OR2V2: variants seen among roughly 807,000 people sequenced by gnomAD.
OR2V2 encodes olfactory receptor family 2 subfamily V member 2.
For missense variants in OR2V2, 392 were observed against 392.2 expected, an observed-to-expected ratio of 1.00 and a Z score of 0.00; for synonymous variants, 161 against 151.3, an observed-to-expected ratio of 1.06 and a Z score of -0.47.
chr5:181,155,155 C>T lies in OR2V2; in HGVS notation c.213C>T (p.Asp71=), dbSNP rs200632573. ...TCCTCAGCCAGCTCTCCCTCATGGA[C>T]CTCATGTTGGTCTGTACCAATGTGC... ...YFFLSQLSLM[D]LMLVCTNVPK... Residue 71 remains aspartate, a synonymous_variant, in exon 2 of 2, where the codon GAC becomes GAT. Transcript: ENST00000641492. 5 of 1,614,084 alleles carry T rather than the reference C, an allele frequency of 3.1e-6. No homozygotes were observed. In the South Asian group the frequency reaches 4.4e-5, roughly 14 times the overall value.
chr5:181,149,794 T>A (rs896525947), intron 1 of OR2V2, among the ~76,000 whole-genome samples: 3 of 151,942 alleles, frequency 2.0e-5, no homozygotes, highest in Non-Finnish European at 4.4e-5. Flanking sequence ...TGCAAAGAAA[T>A]AGAGAGAGTC....
At chr5:181,152,880 G>A (rs1170435360) in intron 1 of OR2V2, among the ~76,000 whole-genome samples, 1 of 152,232 alleles carries the variant, frequency 6.6e-6, no homozygotes, top group Non-Finnish European at 1.5e-5. Context: ...AGCTTCACTG[G>A]ATCCCTGGCC....
At position 181,155,228 on chromosome 5, in the gene OR2V2, G is replaced by A; in HGVS notation, c.286G>A (p.Val96Met). ...GTCTGGCAGGAAGTCCATCTCCTTT[G>A]TGGGCTGTGGCATACAAATTGGCCT... ...FLSGRKSISF[V>M]GCGIQIGLFV... is the part of the protein sequence containing the mutation. The change falls in exon 2 of 2, where the codon GTG becomes ATG. Residue 96 changes from valine (V) to methionine (M), a missense_variant. Transcript: ENST00000641492. 5 of 1,613,924 alleles carry A rather than the reference G, an allele frequency of 3.1e-6. No individual in the cohort carries two copies. The highest frequency in any genetic ancestry group is 4.2e-6 in the Non-Finnish European group (5 of 1,180,018).
intron 1 of OR2V2, among the ~76,000 whole-genome samples, chr5:181,151,478 T>C (rs1418026764): frequency 6.6e-6 from 1 of 152,152 alleles, no homozygotes; most frequent in Non-Finnish European, 1.5e-5. Context: ...AGCACATGCA[T>C]TGTGCCAAAG....
At chr5:181,153,098 T>C (rs1357761427) in intron 1 of OR2V2, among the ~76,000 whole-genome samples, 1 of 151,802 alleles carries the variant, frequency 6.6e-6, no homozygotes, top group Non-Finnish European at 1.5e-5. Context: ...AGGAGGCAAA[T>C]GAGAAATAGA....
rs549354735 is a variant in OR2V2 at position 181,149,232 on chromosome 5, C to T, written c.-25+1237C>T. Among the ~76,000 whole-genome samples the T allele has an allele frequency of 2.0e-5, 3 of 152,046 alleles. No individual in the cohort carries two copies. The South Asian group carries it at 6.3e-4, about 32-fold the overall frequency. Reference sequence around the variant, plus strand: ...GGGGCTGGCAGGGGTGAGTGAGGGTCAGGGGTGGATATGTGGGGTGGATAT... The same window carrying T: ...GGGGCTGGCAGGGGTGAGTGAGGGTTAGGGGTGGATATGTGGGGTGGATAT... On this transcript the variant is annotated intron_variant, in intron 1 of 1. Transcript: ENST00000641492.
chr5:181,155,357 C>T lies in OR2V2; in HGVS notation c.415C>T (p.Gln139Ter), dbSNP rs1763249022. Reference protein sequence around the residue: ...HPLHYPILMNQRVCLQITGSS... With the variant: ...HPLHYPILMN ...ACTTCACTATCCCATCCTCATGAAT[C>T]AGAGGGTCTGTCTCCAGATTACTGG... Residue 139 changes from glutamine (Q) to a stop codon, truncating the protein, a stop_gained, in exon 2 of 2, where the codon CAG becomes TAG. Coordinates refer to ENST00000641492, the MANE Select transcript of OR2V2 (RefSeq NM_206880.2). LOFTEE classifies it low-confidence loss of function (END_TRUNC). 6.2e-7 allele frequency: 1 copy of T among 1,614,056 alleles called. No individual in the cohort carries two copies. Among genetic ancestry groups the T allele is most frequent in the African/African-American group, 1.3e-5 (1 of 74,922 alleles).
rs2113350672 is a variant in OR2V2 at position 181,157,584 on chromosome 5, G to A, written c.*1694G>A. On this transcript the variant is annotated 3_prime_UTR_variant, in exon 2 of 2. Coordinates refer to ENST00000641492, the MANE Select transcript of OR2V2 (RefSeq NM_206880.2). ...ATAGAAGTAACTTTCCTTAGTCACG[G>A]GGCTGCAAGATTTTCCACTGTGTAG... 1 of 152,306 alleles carries A rather than the reference G, an allele frequency of 6.6e-6. No individual in the cohort carries two copies. Among genetic ancestry groups the A allele is most frequent in the East Asian group, 1.9e-4 (1 of 5,190 alleles). The allele number at this position is 152,306 out of a possible 1,614,324, so 9.4% of individuals were successfully genotyped here.
In OR2V2 at chr5:181,154,922, A is replaced by G. The variant is rs1331543195; in HGVS notation, c.-21A>G. ...CACATCTTGTCCATATTCTCAGGTG[A>G]CCAGGAGCAACAACCGAGCCATGGA... On this transcript the variant is annotated 5_prime_UTR_variant, in exon 2 of 2. Transcript: ENST00000641492. 6.5e-7 allele frequency: 1 copy of G among 1,539,530 alleles called. No homozygotes were observed. Among genetic ancestry groups the G allele is most frequent in the South Asian group, 1.1e-5 (1 of 89,388 alleles).
rs1763302052 is a variant in OR2V2 at position 181,159,175 on chromosome 5, G to A, written c.*3285G>A. ...AGCACTTTGGGAAGCCAAGGCAGGAGGATCACTTGAGCCCAGGAGTTTGAG... is the reference window on the plus strand; with the variant it reads ...AGCACTTTGGGAAGCCAAGGCAGGAAGATCACTTGAGCCCAGGAGTTTGAG... On this transcript the variant is annotated 3_prime_UTR_variant, in exon 2 of 2. Transcript: ENST00000641492. 1 of 152,338 alleles carries A rather than the reference G, an allele frequency of 6.6e-6. No homozygotes were observed. Among genetic ancestry groups the A allele is most frequent in the South Asian group, 2.1e-4 (1 of 4,828 alleles). 9.4% of individuals were successfully genotyped at this position (152,338 alleles called of 1,614,324 possible). A position where few individuals can be genotyped will look rare whatever the true frequency, so the allele number is the denominator to read the frequency against.
chr5:181,154,204 C>T (rs1763226595), intron 1 of OR2V2, among the ~76,000 whole-genome samples: 1 of 152,200 alleles, frequency 6.6e-6, no homozygotes, highest in Non-Finnish European at 1.5e-5. Context: ...TCTTCCCTTC[C>T]TTTCTACAGC....
intron 1 of OR2V2, among the ~76,000 whole-genome samples, chr5:181,148,545 A>G (rs2546437): frequency 0.13 from 20,236 of 152,268 alleles, 2,234 homozygotes; most frequent in African/African-American, 0.31. Context: ...GAATAAATTC[A>G]GTTGTATTTC....
At chr5:181,150,302 T>A (rs542878033) in intron 1 of OR2V2, among the ~76,000 whole-genome samples, 8 of 152,156 alleles carry the variant, frequency 5.3e-5, no homozygotes, top group African/African-American at 1.9e-4. Context: ...AAAGAACATG[T>A]CCTGTGGAAT....
Position 181,157,732 on chromosome 5 carries a change from A to G in OR2V2, c.*1842A>G, listed in dbSNP as rs574449290. On this transcript the variant is annotated 3_prime_UTR_variant, in exon 2 of 2. Coordinates refer to ENST00000641492, the MANE Select transcript of OR2V2 (RefSeq NM_206880.2). ...TGTGTATTCTCCTCATTTTCATCAT[A>G]TCTTTTTGCCTTGTACACATTTCTA... 6.6e-6 allele frequency: 1 copy of G among 152,282 alleles called. No individual in the cohort carries two copies. Among genetic ancestry groups the G allele is most frequent in the South Asian group, 2.1e-4 (1 of 4,826 alleles). 9.4% of individuals were successfully genotyped at this position (152,282 alleles called of 1,614,324 possible).
Position 181,155,089 on chromosome 5 carries a change from C to A in OR2V2, c.147C>A (p.Leu49=), listed in dbSNP as rs1256197885. The A allele has an allele frequency of 6.2e-7, 1 of 1,614,216 alleles. No individual in the cohort carries two copies. The highest frequency in any genetic ancestry group is 1.1e-5 in the South Asian group (1 of 91,080). Residue 49 remains leucine, a synonymous_variant, in exon 2 of 2, where the codon CTC becomes CTA. Transcript: ENST00000641492. ...ALCGNVLLIF[L]IYMDPHLHTP... ...GTGGGAATGTCCTCCTCATCTTCCT[C>A]ATCTACATGGACCCTCACCTTCACA...
chr5:181,148,122 A>T (rs1249173438), intron 1 of OR2V2, 127 bp downstream of exon 1: 1 of 394,198 alleles, frequency 2.5e-6, no homozygotes. Flanking sequence ...TGCCTCCATC[A>T]GGGTGTAATT....
At chr5:181,154,775 G>C (rs1443190839) in intron 1 of OR2V2, 144 bp from the exon 2 acceptor site, 1 of 621,112 alleles carries the variant, frequency 1.6e-6, no homozygotes, top group Non-Finnish European at 2.9e-6. Context: ...GTGTTAGGGA[G>C]ATATGGAGTG....
rs548865854 is a variant in OR2V2 at position 181,157,794 on chromosome 5, G to A, written c.*1904G>A. ...TTCTTCTCTTCCAGGAAGCATCCCT[G>A]ATTAACCTCATGCCCACTCAGATTT... is the stretch of plus-strand genomic sequence containing the variant. On this transcript the variant is annotated 3_prime_UTR_variant, in exon 2 of 2. Coordinates refer to ENST00000641492, the MANE Select transcript of OR2V2 (RefSeq NM_206880.2). 6.6e-6 allele frequency: 1 copy of A among 152,076 alleles called. No homozygotes were observed. The highest frequency in any genetic ancestry group is 1.5e-5 in the Non-Finnish European group (1 of 68,020). 9.4% of individuals were successfully genotyped at this position (152,076 alleles called of 1,614,324 possible). A position where few individuals can be genotyped will look rare whatever the true frequency, so the allele number is the denominator to read the frequency against.
At chr5:181,149,813 C>G (rs1310631977) in intron 1 of OR2V2, among the ~76,000 whole-genome samples, 1 of 151,958 alleles carries the variant, frequency 6.6e-6, no homozygotes, top group Non-Finnish European at 1.5e-5. Context: ...TCACTTGTTA[C>G]GTAAATGTGC....
Sources: allele counts gnomAD v4.1 joint callset (sites outside exome capture counted in the v4.1 genomes callset), GRCh38; gene constraint gnomAD v4.1.1; transcripts MANE v1.5; gene names NCBI Gene and HGNC (gene_info 2026-07-23, HGNC 2026-07-21).